The following SLC35D1 variants were observed in gnomAD, a reference collection of about 807,000 sequenced individuals.
The protein encoded by SLC35D1 is solute carrier family 35 member D1, also known as nucleotide sugar transporter SLC35D1.
A neutral mutation model predicts 46.7 loss-of-function variants in SLC35D1; 31 were observed. The ratio of observed to expected loss-of-function variants is 0.66; its 90% CI spans 0.50 to 0.90. The LOEUF (loss-of-function observed/expected upper bound fraction) is 0.90, where lower values mean the gene tolerates loss of function less well. Ranked by LOEUF, SLC35D1 falls within the 40% of genes least tolerant of loss-of-function variation. The pLI is 0.00. For synonymous variants in SLC35D1, 195 were observed against 164.6 expected, an observed-to-expected ratio of 1.18 and a Z score of -1.41; for missense variants, 397 against 426.2, an observed-to-expected ratio of 0.93 and a Z score of 0.60.
At chr1:66,973,449 C>T in the SLC35D1 span, among the ~76,000 whole-genome samples, 1 of 151,988 alleles carries the variant, frequency 6.6e-6, no homozygotes, top group African/African-American at 2.4e-5. Flanking sequence ...TAGTTTTAGT[C>T]AACATTTAAT....
At chr1:67,017,474 T>C (rs1299881222) in intron 10 of SLC35D1, among the ~76,000 whole-genome samples, 1 of 152,184 alleles carries the variant, frequency 6.6e-6, no homozygotes, top group Non-Finnish European at 1.5e-5. Flanking sequence ...AACTGTGCTT[T>C]TCTTAAAGCC....
the SLC35D1 span, among the ~76,000 whole-genome samples, chr1:66,982,658 A>C: frequency 3.9e-5 from 6 of 152,242 alleles, no homozygotes; most frequent in Non-Finnish European, 2.9e-5. Flanking sequence ...GGAGAGTACC[A>C]GTGAAGAGCT....
chr1:66,990,140 C>T, the SLC35D1 span, among the ~76,000 whole-genome samples: 4 of 152,324 alleles, frequency 2.6e-5, no homozygotes, highest in African/African-American at 9.6e-5. Context: ...AGCTTTCAAA[C>T]ATCCTGAATT....
At chr1:66,982,231 GT>G in the SLC35D1 span, among the ~76,000 whole-genome samples, 1 of 152,136 alleles carries the variant, frequency 6.6e-6, no homozygotes, top group Admixed American at 6.5e-5. Flanking sequence ...AAGTATTTAT[GT>G]TAACTCTTAG....
At chr1:67,051,912 T>C in intron 4 of SLC35D1, 100 bp downstream of exon 4, 2 of 865,918 alleles carry the variant, frequency 2.3e-6, no homozygotes, top group Non-Finnish European at 3.8e-6. Flanking sequence ...CCTTTCATTT[T>C]TTTCCAGAAT....
intron 8 of SLC35D1, among the ~76,000 whole-genome samples, chr1:67,038,482 A>G (rs1375993359): frequency 1.3e-5 from 2 of 152,112 alleles, no homozygotes; most frequent in Non-Finnish European, 2.9e-5. Context: ...ATGTAAGAAC[A>G]CCTAGCAGGG....
chr1:66,984,329 TC>T, the SLC35D1 span, among the ~76,000 whole-genome samples: 2 of 152,232 alleles, frequency 1.3e-5, no homozygotes, highest in Non-Finnish European at 2.9e-5. Context: ...TATTTAATTT[TC>T]ACAACAACCC....
intron 8 of SLC35D1, among the ~76,000 whole-genome samples, chr1:67,039,194 AAG>A (rs1411406278): frequency 6.6e-6 from 1 of 152,222 alleles, no homozygotes; most frequent in African/African-American, 2.4e-5. Flanking sequence ...AATGTGGGTC[AAG>A]AGTCTGCAAC....
the SLC35D1 span, chr1:66,986,639 G>A: frequency 0.22 from 126,515 of 568,426 alleles, 15,264 homozygotes; most frequent in Non-Finnish European, 0.25. Context: ...CCCAAACAGT[G>A]TTAAAAGCCA....
Position 66,999,719 on chromosome 1 carries a change from A to G in SLC35D1, c.*4621T>C, listed in dbSNP as rs562143002. ...AAAAAAAACTACAACACTGTAAACT[A>G]TATCCTCATGCCATGAAGCAGCATC... On this transcript the variant is annotated 3_prime_UTR_variant, in exon 12 of 12. Coordinates refer to ENST00000235345, the MANE Select transcript of SLC35D1 (RefSeq NM_015139.3). The G allele has an allele frequency of 6.6e-6, 1 of 152,240 alleles. No individual in the cohort carries two copies. Among genetic ancestry groups the G allele is most frequent in the Admixed American group, 6.5e-5 (1 of 15,288 alleles). 9.4% of individuals were successfully genotyped at this position (152,240 alleles called of 1,614,324 possible).
the SLC35D1 span, among the ~76,000 whole-genome samples, chr1:66,990,665 C>G: frequency 4.6e-5 from 7 of 152,220 alleles, no homozygotes; most frequent in Non-Finnish European, 1.0e-4. Context: ...AACAATGATA[C>G]CAGTTTTGGC....
intron 8 of SLC35D1, among the ~76,000 whole-genome samples, chr1:67,023,050 G>C (rs909525599): frequency 6.6e-6 from 1 of 151,958 alleles, no homozygotes; most frequent in Non-Finnish European, 1.5e-5. Context: ...CTATCTTATG[G>C]GTATACCACA....
rs35069681 is a variant in SLC35D1 at position 67,021,724 on chromosome 1, G to GACACACACAC, written c.730-132_730-123dup. 53 of 422,718 alleles carry GACACACACAC rather than the reference G, an allele frequency of 1.3e-4. No individual in the cohort carries two copies. The African/African-American group carries it at 1.4e-3, about 11-fold the overall frequency. 26.2% of individuals were successfully genotyped at this position (422,718 alleles called of 1,614,324 possible). On this transcript the variant is annotated intron_variant, in intron 8 of 11. Transcript: ENST00000235345. ...AGACACAGACACAGACACAGACACA[G>GACACACACAC]ACACACACACACACACACACACACA...
At chr1:67,021,718 GACACAGACACACACACACAC>G in intron 8 of SLC35D1, 116 bp from the exon 9 acceptor site, 2 of 447,082 alleles carry the variant, frequency 4.5e-6, no homozygotes, top group South Asian at 4.0e-5. Flanking sequence ...CACAGACACA[GACACAGACACACACACACAC>G]ACACACACAC....
Position 67,002,384 on chromosome 1 carries a change from C to A in SLC35D1, c.*1956G>T, listed in dbSNP as rs1187099639. 6.6e-6 allele frequency: 1 copy of A among 152,316 alleles called. No homozygotes were observed. The highest frequency in any genetic ancestry group is 1.5e-5 in the Non-Finnish European group (1 of 68,034). 9.4% of individuals were successfully genotyped at this position (152,316 alleles called of 1,614,324 possible). ...TGAACTCAGGATCTGTTTCCTTACT[C>A]CCTCAGAGGGGAAGGGCGGTTAATT... On this transcript the variant is annotated 3_prime_UTR_variant, in exon 12 of 12. Coordinates refer to ENST00000235345, the MANE Select transcript of SLC35D1 (RefSeq NM_015139.3).
chr1:67,035,557 A>G (rs557701538), intron 8 of SLC35D1, among the ~76,000 whole-genome samples: 5 of 152,024 alleles, frequency 3.3e-5, no homozygotes, highest in African/African-American at 1.2e-4. Context: ...TTCAGCTCTG[A>G]TATTATTTAT....
chr1:67,053,478 G>A lies in SLC35D1; in HGVS notation c.203+333C>T, dbSNP rs550749817. 3.3e-5 allele frequency among the ~76,000 whole-genome samples: 5 copies of A among 152,266 alleles called. No homozygotes were observed. The South Asian group carries it at 1.0e-3, about 32-fold the overall frequency. ...CCTCGCTCTCCTCCCTGATCGACAG[G>A]CATAACGGCTCAAAAGTCACCAAGC... On this transcript the variant is annotated intron_variant, in intron 1 of 11. Coordinates refer to ENST00000235345, the MANE Select transcript of SLC35D1 (RefSeq NM_015139.3).
chr1:67,015,633 C>G (rs938237132), intron 10 of SLC35D1, among the ~76,000 whole-genome samples: 1 of 152,186 alleles, frequency 6.6e-6, no homozygotes, highest in African/African-American at 2.4e-5. Context: ...AAATGATCCC[C>G]CTGCCTTGGC....
chr1:66,980,127 A>G, the SLC35D1 span, among the ~76,000 whole-genome samples: 3 of 152,100 alleles, frequency 2.0e-5, no homozygotes, highest in Non-Finnish European at 4.4e-5. Context: ...ATTTCCAACA[A>G]TTCCTCATCA....
Sources: allele counts gnomAD v4.1 joint callset (sites outside exome capture counted in the v4.1 genomes callset), GRCh38; gene constraint gnomAD v4.1.1; transcripts MANE v1.5; gene names NCBI Gene and HGNC (gene_info 2026-07-23, HGNC 2026-07-21).